Variants in DISC1 observed in about 807,000 individuals in gnomAD.
DISC1 encodes DISC1 scaffold protein.
A neutral mutation model predicts 84.5 loss-of-function variants in DISC1; 57 were observed. That is an observed-to-expected ratio of 0.67 (90% CI 0.55 to 0.84). The LOEUF (loss-of-function observed/expected upper bound fraction) is 0.84, where lower values mean the gene tolerates loss of function less well. Ranked by LOEUF, DISC1 falls within the 40% of genes least tolerant of loss-of-function variation. The probability of loss-of-function intolerance (pLI) is 0.00; values close to 1 mark genes in which losing one functional copy is unlikely to be tolerated. For missense variants in DISC1, 1,000 were observed against 1,057.8 expected (o/e 0.95, Z 0.76); for synonymous variants, 411 against 415.2 (o/e 0.99, Z 0.12).
At chr1:232,029,191 T>A (rs180870027) in intron 12 of DISC1, among the ~76,000 whole-genome samples, 49 of 152,344 alleles carry the variant, frequency 3.2e-4, no homozygotes, top group African/African-American at 1.2e-3. Flanking sequence ...GTTTAGGTAC[T>A]GAAGTCAGCT....
At chr1:231,642,653 A>G (rs1026839201) in intron 1 of DISC1, among the ~76,000 whole-genome samples, 1 of 152,172 alleles carries the variant, frequency 6.6e-6, no homozygotes, top group African/African-American at 2.4e-5. Context: ...TTTTACCTAT[A>G]TAACATTTTC....
chr1:231,843,477 C>A (rs1210491614), intron 9 of DISC1, among the ~76,000 whole-genome samples: 4 of 152,182 alleles, frequency 2.6e-5, no homozygotes, highest in African/African-American at 7.2e-5. Flanking sequence ...AAAGGCCACA[C>A]TGGGTCCAGC....
intron 1 of DISC1, among the ~76,000 whole-genome samples, chr1:231,642,474 G>A (rs1346402409): frequency 6.6e-6 from 1 of 152,252 alleles, no homozygotes; most frequent in Non-Finnish European, 1.5e-5. Context: ...CCTCTCGTGA[G>A]TATCTCTAGT....
chr1:231,741,118 G>A (rs1275950313), intron 3 of DISC1, among the ~76,000 whole-genome samples: 3 of 152,224 alleles, frequency 2.0e-5, no homozygotes, highest in Non-Finnish European at 4.4e-5. Flanking sequence ...CAGACAGAGA[G>A]TAATTCATCC....
chr1:231,761,283 A>G (rs1394989376), intron 4 of DISC1, among the ~76,000 whole-genome samples: 1 of 152,330 alleles, frequency 6.6e-6, no homozygotes, highest in East Asian at 1.9e-4. Flanking sequence ...CATACTGATT[A>G]GTTTATAGCA....
chr1:231,836,175 T>C (rs1654812699), intron 9 of DISC1, among the ~76,000 whole-genome samples: 1 of 152,240 alleles, frequency 6.6e-6, no homozygotes, highest in Non-Finnish European at 1.5e-5. Flanking sequence ...CTTCACTGTC[T>C]TTGGCTGTTT....
chr1:231,945,030 T>A (rs1656873352), intron 9 of DISC1: 1 of 152,136 alleles, frequency 6.6e-6, no homozygotes, highest in African/African-American at 2.4e-5. Flanking sequence ...ATTAGAAAGA[T>A]CAACGAGACA....
intron 8 of DISC1, among the ~76,000 whole-genome samples, chr1:231,806,001 A>T (rs968580230): frequency 6.6e-6 from 1 of 152,154 alleles, no homozygotes; most frequent in Non-Finnish European, 1.5e-5. Flanking sequence ...AAGTTGTTTA[A>T]CCTTTTCAGG....
chr1:231,891,567 G>A (rs2087218698), intron 9 of DISC1, among the ~76,000 whole-genome samples: 1 of 152,136 alleles, frequency 6.6e-6, no homozygotes, highest in South Asian at 2.1e-4. Flanking sequence ...TGGGTAGTTT[G>A]AATAATTCCA....
chr1:231,928,345 C>G (rs2126098183), intron 9 of DISC1, among the ~76,000 whole-genome samples: 1 of 152,342 alleles, frequency 6.6e-6, no homozygotes, highest in East Asian at 1.9e-4. Flanking sequence ...AGGGCAGTGA[C>G]AGCAGGAGAT....
intron 6 of DISC1, among the ~76,000 whole-genome samples, chr1:231,783,806 T>C (rs1280182054): frequency 6.6e-6 from 1 of 152,234 alleles, no homozygotes; most frequent in Non-Finnish European, 1.5e-5. Flanking sequence ...ACTCCTTTCC[T>C]CTGCTCACTG....
At chr1:231,803,055 A>G (rs1188368228) in intron 8 of DISC1, among the ~76,000 whole-genome samples, 4 of 152,096 alleles carry the variant, frequency 2.6e-5, no homozygotes, top group Non-Finnish European at 5.9e-5. Flanking sequence ...GACTTAAAAT[A>G]TTACCAGTTA....
At chr1:231,669,358 G>C (rs1360836980) in intron 1 of DISC1, among the ~76,000 whole-genome samples, 1 of 152,100 alleles carries the variant, frequency 6.6e-6, no homozygotes, top group African/African-American at 2.4e-5. Context: ...TGCAACAAAA[G>C]CAAAAATTGA....
chr1:231,842,137 C>G (rs529844795), intron 9 of DISC1, among the ~76,000 whole-genome samples: 3 of 152,194 alleles, frequency 2.0e-5, no homozygotes, highest in Admixed American at 6.5e-5. Flanking sequence ...TCTGGGACTA[C>G]AGGCATGCAC....
chr1:231,626,924 C>G lies in DISC1; in HGVS notation c.57C>G (p.Ser19Arg). Reference protein sequence around the residue: ...APAAAGGGGVSHRAGSRDCLP... With the variant: ...APAAAGGGGVRHRAGSRDCLP... ...CCGCCGCCGGCGGCGGCGGCGTGAG[C>G]CACCGCGCAGGTAGGGGAGCTGCCA... The change falls in exon 1 of 13, where the codon AGC (serine) becomes AGG (arginine). Residue 19 changes from serine to arginine, a missense_variant. By Grantham distance (110) the Ser-to-Arg change is moderately radical. Transcript: ENST00000439617. The G allele has an allele frequency of 6.7e-7, 1 of 1,503,724 alleles. No homozygotes were observed. The highest frequency in any genetic ancestry group is 8.8e-7 in the Non-Finnish European group (1 of 1,133,838). The allele number at this position is 1,503,724 out of a possible 1,614,324, so 93.1% of individuals were successfully genotyped here. A position where few individuals can be genotyped will look rare whatever the true frequency, so the allele number is the denominator to read the frequency against.
chr1:231,951,342 G>T (rs910955102), intron 9 of DISC1, among the ~76,000 whole-genome samples: 4 of 152,144 alleles, frequency 2.6e-5, no homozygotes, highest in African/African-American at 4.8e-5. Context: ...GGATCATGTA[G>T]TCCATCTAGT....
intron 3 of DISC1, among the ~76,000 whole-genome samples, chr1:231,712,222 C>G (rs1348148020): frequency 6.6e-6 from 1 of 152,180 alleles, no homozygotes; most frequent in African/African-American, 2.4e-5. Context: ...CTCAGTAAAA[C>G]TGATTTCAGA....
chr1:231,910,718 C>G (rs539661203), intron 9 of DISC1, among the ~76,000 whole-genome samples: 2 of 152,228 alleles, frequency 1.3e-5, no homozygotes, highest in Non-Finnish European at 2.9e-5. Context: ...GAGTTTAAGT[C>G]CTGGATATCC....
chr1:231,825,676 A>G (rs1484858794), intron 9 of DISC1, among the ~76,000 whole-genome samples: 2 of 150,788 alleles, frequency 1.3e-5, no homozygotes, highest in Non-Finnish European at 3.0e-5. Flanking sequence ...TCCCACCCCC[A>G]TTTTTCAATG....
Sources: allele counts gnomAD v4.1 joint callset (sites outside exome capture counted in the v4.1 genomes callset), GRCh38; gene constraint gnomAD v4.1.1; transcripts MANE v1.5; gene names NCBI Gene and HGNC (gene_info 2026-07-23, HGNC 2026-07-21).